The following INPP5A variants were observed in gnomAD, a reference collection of about 807,000 sequenced individuals.
The protein encoded by INPP5A is 43 kDa inositol polyphosphate 5-phophatase.
A neutral mutation model predicts 65.2 loss-of-function variants in INPP5A; 14 were observed. The ratio of observed to expected loss-of-function variants is 0.21; its 90% CI spans 0.14 to 0.34. INPP5A has a LOEUF of 0.34. INPP5A is among the 10% of genes least tolerant of loss of function. The probability of loss-of-function intolerance (pLI) is 1.00; values close to 1 mark genes in which losing one functional copy is unlikely to be tolerated. For missense variants in INPP5A, 431 were observed against 545.6 expected (o/e 0.79, Z 2.09); for synonymous variants, 207 against 208.3 (o/e 0.99, Z 0.05).
intron 8 of INPP5A, among the ~76,000 whole-genome samples, chr10:132,721,618 A>G (rs4992320): frequency 0.058 from 5,172 of 88,946 alleles, 236 homozygotes; most frequent in African/African-American, 0.18. Flanking sequence ...CTGTCTGGGC[A>G]CCTTAGACAG....
chr10:132,682,334 G>A (rs940112214), intron 4 of INPP5A, among the ~76,000 whole-genome samples: 20 of 152,340 alleles, frequency 1.3e-4, no homozygotes, highest in African/African-American at 1.9e-4. Context: ...GCAGACGTTC[G>A]TTAGGCGCGG....
intron 9 of INPP5A, among the ~76,000 whole-genome samples, chr10:132,732,675 C>T (rs996372557): frequency 2.6e-5 from 4 of 152,174 alleles, no homozygotes; most frequent in African/African-American, 4.8e-5. Context: ...GACCCTGGAA[C>T]CGACCACGGG....
intron 9 of INPP5A, among the ~76,000 whole-genome samples, chr10:132,735,569 C>T (rs1022453559): frequency 2.0e-5 from 3 of 152,238 alleles, no homozygotes; most frequent in Non-Finnish European, 1.5e-5. Flanking sequence ...TGAGCTCCCA[C>T]CCACAGCAGC....
chr10:132,595,642 C>T (rs554552567), intron 1 of INPP5A, among the ~76,000 whole-genome samples: 2 of 152,322 alleles, frequency 1.3e-5, no homozygotes, highest in Admixed American at 6.5e-5. Flanking sequence ...GGCACCCTGT[C>T]TATCTCCACG....
intron 12 of INPP5A, among the ~76,000 whole-genome samples, chr10:132,771,394 G>A (rs1846944968): frequency 6.6e-6 from 1 of 152,244 alleles, no homozygotes; most frequent in Admixed American, 6.5e-5. Context: ...CCTCTGCCTG[G>A]TTCCCACGCC....
rs959370120 is a variant in INPP5A at position 132,551,782 on chromosome 10, G to A, written c.75+13611G>A. Among the ~76,000 whole-genome samples, 6 of 152,166 alleles carry A rather than the reference G, an allele frequency of 3.9e-5. No homozygotes were observed. The highest frequency in any genetic ancestry group is 2.1e-4 in the South Asian group (1 of 4,826). On this transcript the variant is annotated intron_variant, in intron 1 of 15. Transcript: ENST00000368594. The surrounding 1 kb of genome is among the most constrained non-coding windows in gnomAD (Gnocchi z 5.3). ...TAGGGAACAGAGGCAGGACCCAGGG[G>A]GACAGAGGCAGGACTGACCAAGACT...
intron 11 of INPP5A, among the ~76,000 whole-genome samples, chr10:132,751,327 T>C (rs12776770): frequency 0.19 from 28,656 of 152,242 alleles, 2,832 homozygotes; most frequent in Non-Finnish European, 0.22. Flanking sequence ...TGTCCCCACA[T>C]GGCCCCATCA....
chr10:132,740,798 G>A (rs541892716), intron 9 of INPP5A, among the ~76,000 whole-genome samples: 6 of 152,278 alleles, frequency 3.9e-5, no homozygotes, highest in East Asian at 1.9e-4. Flanking sequence ...CGTGCCTTTG[G>A]TCAGTTTTCC....
At chr10:132,633,101 G>C (rs1237940961) in intron 2 of INPP5A, among the ~76,000 whole-genome samples, 1 of 152,140 alleles carries the variant, frequency 6.6e-6, no homozygotes, top group African/African-American at 2.4e-5. Flanking sequence ...TGGCTTACTT[G>C]GTCAGGTAAA....
chr10:132,573,669 GT>G (rs2071379537), intron 1 of INPP5A, among the ~76,000 whole-genome samples: 4 of 104,034 alleles, frequency 3.8e-5, no homozygotes, highest in Non-Finnish European at 5.7e-5. Context: ...TGCGTGCCGT[GT>G]GAGGTTTTGT....
chr10:132,589,043 C>T (rs376622421), intron 1 of INPP5A, among the ~76,000 whole-genome samples: 176 of 152,118 alleles, frequency 1.2e-3, no homozygotes, highest in Middle Eastern at 3.4e-3. Context: ...GTCCCACGTT[C>T]TGGTGTGTGT....
intron 2 of INPP5A, among the ~76,000 whole-genome samples, chr10:132,628,176 G>T (rs1424600236): frequency 1.3e-5 from 2 of 152,330 alleles, no homozygotes; most frequent in South Asian, 4.1e-4. Flanking sequence ...TCTGCCTGAC[G>T]CAGCTCAGGC....
In INPP5A at chr10:132,560,732, C is replaced by T. The variant is rs966607179; in HGVS notation, c.75+22561C>T. 5.3e-5 allele frequency among the ~76,000 whole-genome samples: 8 copies of T among 152,200 alleles called. No individual in the cohort carries two copies. In the East Asian group the frequency reaches 9.7e-4, roughly 18 times the overall value. ...CCACCTCCCAAGCAGCAGTGTCTCACGTAGCTGGGACTACAGGTGTGTGTC... is the reference window on the plus strand; with the variant it reads ...CCACCTCCCAAGCAGCAGTGTCTCATGTAGCTGGGACTACAGGTGTGTGTC... On this transcript the variant is annotated intron_variant, in intron 1 of 15. Coordinates refer to ENST00000368594, the MANE Select transcript of INPP5A (RefSeq NM_005539.5).
rs374551773 is a variant in INPP5A at position 132,653,457 on chromosome 10, G to T, written c.306+2952G>T. On this transcript the variant is annotated intron_variant, in intron 4 of 15. Coordinates refer to ENST00000368594, the MANE Select transcript of INPP5A (RefSeq NM_005539.5). The stretch of plus-strand genomic sequence containing the variant: ...TGCACCTGGCTGCCGGGCACAGGCC[G>T]TGCCAGGCCTGTACGAGCTCTGGGG... Among the ~76,000 whole-genome samples the T allele has an allele frequency of 3.0e-4, 45 of 152,252 alleles. No homozygotes were observed. In the South Asian group the frequency reaches 9.1e-3, roughly 31 times the overall value.
chr10:132,569,743 A>G (rs1467057383), intron 1 of INPP5A, among the ~76,000 whole-genome samples: 1 of 149,246 alleles, frequency 6.7e-6, no homozygotes, highest in African/African-American at 2.5e-5. Flanking sequence ...ACCTCAGGTG[A>G]TCCACTCGCC....
Position 132,749,616 on chromosome 10 carries a change from A to T in INPP5A, c.828+4A>T. The T allele has an allele frequency of 1.2e-6, 2 of 1,612,696 alleles. No individual in the cohort carries two copies. On this transcript the variant is annotated splice_donor_region_variant and intron_variant, in intron 10 of 15. Coordinates refer to ENST00000368594, the MANE Select transcript of INPP5A (RefSeq NM_005539.5). ...TGAGTCGGACAACGACCGGAAGGTG[A>T]GCGGGGCCTGTGACTGGGCAGGTGA...
chr10:132,547,644 G>T lies in INPP5A; in HGVS notation c.75+9473G>T, dbSNP rs189782727. ...GCGCCCGTGGCCTGAACAGGACTTG[G>T]TTTTTCAGGCCTTCATGCCTCAGCT... On this transcript the variant is annotated intron_variant, in intron 1 of 15. Transcript: ENST00000368594. This position sits in a 1 kb window ranked among gnomAD's most constrained non-coding sequence, Gnocchi z 5.5. Among the ~76,000 whole-genome samples the T allele has an allele frequency of 1.9e-3, 288 of 152,292 alleles. 2 individuals are homozygous for T. The highest frequency in any genetic ancestry group is 6.7e-3 in the African/African-American group (278 of 41,562).
chr10:132,712,093 C>T lies in INPP5A; in HGVS notation c.647+1637C>T, dbSNP rs557422738. 1.1e-4 allele frequency among the ~76,000 whole-genome samples: 16 copies of T among 152,352 alleles called. 1 individual carries two copies. In the East Asian group the frequency reaches 2.1e-3, roughly 20 times the overall value. ...GGAGCACATTTCTACCCAAGACCCACGTCCTGAGGGGTCCCTAAGGCAGGT... is the reference window on the plus strand; with the variant it reads ...GGAGCACATTTCTACCCAAGACCCATGTCCTGAGGGGTCCCTAAGGCAGGT... On this transcript the variant is annotated intron_variant, in intron 8 of 15. Transcript: ENST00000368594.
chr10:132,668,977 G>T (rs77773999), intron 4 of INPP5A, among the ~76,000 whole-genome samples: 2 of 151,954 alleles, frequency 1.3e-5, no homozygotes, highest in African/African-American at 4.8e-5. Flanking sequence ...CGGTGAGGCC[G>T]GGCATGGTGG....
Sources: gnomAD v4.1 joint callset for allele counts (sites outside exome capture counted in the v4.1 genomes callset) on GRCh38, gnomAD v4.1.1 for gene constraint, Gnocchi (gnomAD v3.1) non-coding constraint, MANE v1.5 for transcripts, NCBI Gene and HGNC (gene_info 2026-07-23, HGNC 2026-07-21) for gene names.